Variants in PACSIN2 observed in about 807,000 individuals in gnomAD.
PACSIN2 encodes the protein protein kinase C and casein kinase substrate in neurons 2.
In PACSIN2, 25 loss-of-function variants were observed where a neutral mutation model predicts 63.8. The observed-to-expected ratio is 0.39, with a 90% CI of 0.29 to 0.55. PACSIN2 has a LOEUF of 0.55. Among genes scored for constraint, PACSIN2 ranks in the 20% least tolerant of loss-of-function variants. PACSIN2 has a pLI of 0.62. For missense variants in PACSIN2, 518 were observed against 646.9 expected (o/e 0.80, Z 2.16); for synonymous variants, 255 against 256.2 (o/e 1.00, Z 0.05).
chr22:42,981,764 A>G (rs1175964463), intron 1 of PACSIN2, among the ~76,000 whole-genome samples: 10 of 102,828 alleles, frequency 9.7e-5, no homozygotes, highest in Admixed American at 1.8e-4. Flanking sequence ...CGCCCCGTCC[A>G]GGAGGGAGGT....
intron 1 of PACSIN2, among the ~76,000 whole-genome samples, chr22:42,978,748 T>C: frequency 6.6e-6 from 1 of 152,174 alleles, no homozygotes; most frequent in Admixed American, 6.6e-5. Context: ...TCCTGGCCCT[T>C]GGTTTATGTA....
chr22:42,925,780 G>A (rs1259608796), intron 1 of PACSIN2, among the ~76,000 whole-genome samples: 2 of 152,208 alleles, frequency 1.3e-5, no homozygotes, highest in African/African-American at 2.4e-5. Flanking sequence ...TAGCAACCAC[G>A]GTTGGGGGCT....
intron 1 of PACSIN2, among the ~76,000 whole-genome samples, chr22:42,943,697 A>G (rs1455131681): frequency 1.3e-5 from 2 of 152,142 alleles, no homozygotes; most frequent in Non-Finnish European, 2.9e-5. Context: ...ACCTGACATT[A>G]TATATTTTGA....
At chr22:42,990,741 C>G (rs1269399517) in intron 1 of PACSIN2, among the ~76,000 whole-genome samples, 2 of 152,044 alleles carry the variant, frequency 1.3e-5, no homozygotes, top group Non-Finnish European at 2.9e-5. Context: ...CAACAGAGAA[C>G]CACTCAAGAA....
intron 1 of PACSIN2, among the ~76,000 whole-genome samples, chr22:42,941,612 G>A (rs931678349): frequency 6.6e-5 from 10 of 152,174 alleles, no homozygotes; most frequent in African/African-American, 2.4e-4. Context: ...ATCTCATTGT[G>A]ATTTTGATTC....
intron 1 of PACSIN2, among the ~76,000 whole-genome samples, chr22:42,926,877 A>G (rs1932572715): frequency 6.6e-6 from 1 of 151,934 alleles, no homozygotes; most frequent in Middle Eastern, 3.4e-3. Context: ...GAGGTTAAGG[A>G]AAAACAAACA....
rs565558149 is a variant in PACSIN2, at chr22:42,934,362, C to T, written c.-77-22205G>A. On this transcript the variant is annotated intron_variant, in intron 1 of 10. Transcript: ENST00000263246. ...TTCAAGGCACTGTGTGTGTGCAGAT[C>T]GCCTTTTCCCTTCTTTTCCCTTCTT... 6.6e-5 allele frequency among the ~76,000 whole-genome samples: 10 copies of T among 152,354 alleles called. No homozygotes were observed. In the South Asian group the frequency reaches 1.7e-3, roughly 25 times the overall value.
intron 1 of PACSIN2, among the ~76,000 whole-genome samples, chr22:42,939,944 A>G (rs1294811683): frequency 6.6e-6 from 1 of 152,242 alleles, no homozygotes; most frequent in Non-Finnish European, 1.5e-5. Flanking sequence ...TGTTAGTGGC[A>G]ATCGGCGTCT....
At chr22:42,891,452 G>A (rs1929908841) in intron 3 of PACSIN2, among the ~76,000 whole-genome samples, 1 of 152,160 alleles carries the variant, frequency 6.6e-6, no homozygotes, top group Non-Finnish European at 1.5e-5. Context: ...CCCGGCTGGA[G>A]TGCAGAGACG....
intron 3 of PACSIN2, among the ~76,000 whole-genome samples, chr22:42,891,712 T>C (rs1929930237): frequency 6.6e-6 from 1 of 152,190 alleles, no homozygotes. Context: ...GGCCATGCCT[T>C]TCCTTTATTT....
chr22:42,987,528 T>C (rs1428076587), intron 1 of PACSIN2, among the ~76,000 whole-genome samples: 2 of 78,180 alleles, frequency 2.6e-5, no homozygotes, highest in African/African-American at 6.1e-5. Context: ...GGCACATTCA[T>C]TCTTTTTTTT....
intron 6 of PACSIN2, among the ~76,000 whole-genome samples, chr22:42,883,205 T>C (rs989634579): frequency 2.0e-5 from 3 of 152,176 alleles, no homozygotes; most frequent in African/African-American, 7.2e-5. Flanking sequence ...AGCCTCACCC[T>C]GCTCCTGCCA....
intron 10 of PACSIN2, among the ~76,000 whole-genome samples, chr22:42,874,874 A>G (rs1928477855): frequency 7.4e-6 from 1 of 135,252 alleles, no homozygotes; most frequent in Non-Finnish European, 1.6e-5. Context: ...TTTTTGAAAA[A>G]GAGTTTTGCT....
chr22:42,991,120 C>T (rs997306302), intron 1 of PACSIN2, among the ~76,000 whole-genome samples: 2 of 152,140 alleles, frequency 1.3e-5, no homozygotes, highest in African/African-American at 4.8e-5. Context: ...ACACACTGCC[C>T]CCAGATCAAA....
At chr22:42,997,097 C>A (rs757811088) in intron 1 of PACSIN2, among the ~76,000 whole-genome samples, 1 of 152,194 alleles carries the variant, frequency 6.6e-6, no homozygotes, top group East Asian at 1.9e-4. Context: ...TGGACCCTCC[C>A]GCCCACTGAG....
At chr22:42,923,895 A>C (rs893014146) in intron 1 of PACSIN2, among the ~76,000 whole-genome samples, 3 of 152,136 alleles carry the variant, frequency 2.0e-5, no homozygotes, top group African/African-American at 7.2e-5. Flanking sequence ...AAATAAAATT[A>C]GCCAGGTGTG....
chr22:42,982,988 G>C (rs12166374), intron 1 of PACSIN2, among the ~76,000 whole-genome samples: 1,873 of 150,724 alleles, frequency 0.012, 43 homozygotes, highest in African/African-American at 0.044. Context: ...CAAGACCAGC[G>C]TGGCCAACAT....
At chr22:42,955,352 G>A (rs1933872362) in intron 1 of PACSIN2, among the ~76,000 whole-genome samples, 1 of 152,150 alleles carries the variant, frequency 6.6e-6, no homozygotes, top group South Asian at 2.1e-4. Flanking sequence ...CAGCCAGCCA[G>A]CATCCAGGTG....
intron 2 of PACSIN2, among the ~76,000 whole-genome samples, chr22:42,902,051 A>ATT (rs1930728252): frequency 6.6e-6 from 1 of 152,226 alleles, no homozygotes; most frequent in Non-Finnish European, 1.5e-5. Context: ...ACTGAGAGGT[A>ATT]TTTAAGGAAC....
Sources: gnomAD v4.1 joint callset for allele counts (sites outside exome capture counted in the v4.1 genomes callset) on GRCh38, gnomAD v4.1.1 for gene constraint, MANE v1.5 for transcripts, NCBI Gene and HGNC (gene_info 2026-07-23, HGNC 2026-07-21) for gene names.